Variants in CSMD1 observed in about 807,000 individuals in gnomAD.
CSMD1 encodes CUB and Sushi multiple domains 1.
CSMD1 carries 213 observed loss-of-function variants against 417.5 expected under a neutral mutation model. The observed-to-expected ratio is 0.51, with a 90% confidence interval of 0.46 to 0.57. The LOEUF is 0.57. Ranked by LOEUF, CSMD1 falls within the 20% of genes least tolerant of loss-of-function variation. The pLI is 0.00. For missense variants in CSMD1, 6,923 were observed against 4,529.7 expected, an observed-to-expected ratio of 1.53 and a Z score of -15.17; for synonymous variants, 2,862 against 1,736.8, an observed-to-expected ratio of 1.65 and a Z score of -16.11.
At chr8:4,637,719 G>C (rs1050648504) in intron 1 of CSMD1, among the ~76,000 whole-genome samples, 161 bp from the exon 2 acceptor site, 1 of 132,028 alleles carries the variant, frequency 7.6e-6, no homozygotes, top group African/African-American at 2.8e-5. Context: ...GCCGGACTGC[G>C]GACTGCAGTG....
At chr8:4,306,286 G>C (rs576745080) in intron 3 of CSMD1, among the ~76,000 whole-genome samples, 16 of 152,210 alleles carry the variant, frequency 1.1e-4, no homozygotes, top group Admixed American at 6.5e-4. Flanking sequence ...TTCCTGAATA[G>C]ACACTAAATA....
chr8:3,816,476 C>A (rs192909096), intron 5 of CSMD1, among the ~76,000 whole-genome samples: 1 of 152,194 alleles, frequency 6.6e-6, no homozygotes, highest in Non-Finnish European at 1.5e-5. Context: ...ATGAATCTCT[C>A]GCTGTGCCTA....
At chr8:3,901,731 T>C (rs1167563847) in intron 5 of CSMD1, among the ~76,000 whole-genome samples, 4 of 152,256 alleles carry the variant, frequency 2.6e-5, no homozygotes, top group Non-Finnish European at 4.4e-5. Context: ...ACTGTCTTTA[T>C]GTAGGCTTAA....
intron 5 of CSMD1, among the ~76,000 whole-genome samples, chr8:3,873,793 G>C (rs1258546507): frequency 4.6e-5 from 7 of 152,172 alleles, no homozygotes. Context: ...CCCTTGATTA[G>C]ACTGGGAGAA....
At chr8:3,145,677 A>G (rs1055125546) in intron 40 of CSMD1, among the ~76,000 whole-genome samples, 6 of 152,250 alleles carry the variant, frequency 3.9e-5, no homozygotes, top group Admixed American at 6.5e-5. Flanking sequence ...CTAGCTATCT[A>G]ATTTTCAGCA....
At chr8:4,847,561 A>G (rs1319035965) in intron 1 of CSMD1, among the ~76,000 whole-genome samples, 2 of 152,186 alleles carry the variant, frequency 1.3e-5, no homozygotes, top group African/African-American at 4.8e-5. Context: ...ATTTTATTAA[A>G]GAGTCCATAC....
At chr8:4,655,926 C>T (rs550547166) in intron 1 of CSMD1, among the ~76,000 whole-genome samples, 2 of 152,232 alleles carry the variant, frequency 1.3e-5, no homozygotes, top group South Asian at 2.1e-4. Context: ...CTGTGTTAGG[C>T]TCAGAGAAGA....
chr8:3,328,008 C>G (rs967393131), intron 23 of CSMD1, among the ~76,000 whole-genome samples: 11 of 152,274 alleles, frequency 7.2e-5, no homozygotes, highest in Admixed American at 5.9e-4. Context: ...CATTGCCAGC[C>G]AATTCGGGTT....
chr8:2,999,214 G>A (rs1212482162), intron 53 of CSMD1, among the ~76,000 whole-genome samples: 1 of 148,078 alleles, frequency 6.8e-6, no homozygotes, highest in African/African-American at 2.5e-5. Flanking sequence ...GGGTGCAGCG[G>A]CACGATCTCT....
At chr8:4,036,987 G>A (rs1797655201) in intron 3 of CSMD1, among the ~76,000 whole-genome samples, 1 of 151,620 alleles carries the variant, frequency 6.6e-6, no homozygotes, top group Non-Finnish European at 1.5e-5. Flanking sequence ...GTGTGTGTGT[G>A]TGTGTGTGTG....
intron 56 of CSMD1, among the ~76,000 whole-genome samples, chr8:2,973,833 T>C (rs1272198261): frequency 6.6e-6 from 1 of 151,670 alleles, no homozygotes; most frequent in Non-Finnish European, 1.5e-5. Flanking sequence ...AGGATGATGG[T>C]AGAGGATGAT....
In CSMD1 at chr8:4,623,920, G is replaced by A. The variant is rs1585347983; in HGVS notation, c.302+13422C>T. ...AAATATTCGTTAGCTTGATGGTGGT[G>A]GTGTTCCACGGTTGTATATAAATCT... is the stretch of plus-strand genomic sequence containing the variant. On this transcript the variant is annotated intron_variant, in intron 2 of 69. Transcript: ENST00000635120. Among the ~76,000 whole-genome samples the A allele has an allele frequency of 2.0e-5, 3 of 151,948 alleles. No individual in the cohort carries two copies. In the South Asian group the frequency reaches 6.2e-4, roughly 32 times the overall value.
At chr8:3,520,994 G>C (rs899261025) in intron 10 of CSMD1, among the ~76,000 whole-genome samples, 1 of 151,974 alleles carries the variant, frequency 6.6e-6, no homozygotes, top group Non-Finnish European at 1.5e-5. Context: ...CAAAGTCAAA[G>C]CCCTCTCTGG....
intron 10 of CSMD1, among the ~76,000 whole-genome samples, chr8:3,563,442 T>TAAAAAA (rs60108067): frequency 1.1e-4 from 7 of 62,770 alleles, no homozygotes; most frequent in African/African-American, 3.0e-4. Context: ...TATTAAAAGG[T>TAAAAAA]AAAAAAAAAA....
chr8:4,644,694 C>T (rs899562264), intron 1 of CSMD1, among the ~76,000 whole-genome samples: 1 of 152,206 alleles, frequency 6.6e-6, no homozygotes, highest in Admixed American at 6.5e-5. Context: ...CAGGTGTGAG[C>T]CACCATGCCT....
chr8:4,515,229 C>T (rs906181969), intron 2 of CSMD1, among the ~76,000 whole-genome samples: 2 of 152,132 alleles, frequency 1.3e-5, no homozygotes, highest in Non-Finnish European at 2.9e-5. Flanking sequence ...CTCTATTACG[C>T]GTTAGGTGCT....
chr8:3,739,910 C>A (rs1796706258), intron 6 of CSMD1, among the ~76,000 whole-genome samples: 2 of 152,086 alleles, frequency 1.3e-5, no homozygotes, highest in Non-Finnish European at 2.9e-5. Context: ...AGCCTTCAAG[C>A]AATGAGGATA....
chr8:4,871,732 G>C (rs1175260022), intron 1 of CSMD1, among the ~76,000 whole-genome samples: 2 of 152,004 alleles, frequency 1.3e-5, no homozygotes, highest in Non-Finnish European at 2.9e-5. Context: ...TAATTTCAGA[G>C]TTCATATTAT....
At chr8:4,093,385 T>C (rs1462996762) in intron 3 of CSMD1, among the ~76,000 whole-genome samples, 1 of 152,198 alleles carries the variant, frequency 6.6e-6, no homozygotes, top group Non-Finnish European at 1.5e-5. Flanking sequence ...ACGTGATATT[T>C]AGAAAGCCAA....
Sources: gnomAD v4.1 joint callset for allele counts (sites outside exome capture counted in the v4.1 genomes callset) on GRCh38, gnomAD v4.1.1 for gene constraint, MANE v1.5 for transcripts, NCBI Gene and HGNC (gene_info 2026-07-23, HGNC 2026-07-21) for gene names.